Variants in OPCML observed in about 807,000 individuals in gnomAD.
OPCML encodes opioid binding protein/cell adhesion molecule like.
A neutral mutation model predicts 37.8 loss-of-function variants in OPCML; 13 were observed. The observed-to-expected ratio is 0.34, with a 90% CI of 0.22 to 0.55. The LOEUF (loss-of-function observed/expected upper bound fraction) is 0.55, where lower values mean the gene tolerates loss of function less well. Ranked by LOEUF, OPCML falls within the 20% of genes least tolerant of loss-of-function variation. The probability of loss-of-function intolerance (pLI) is 0.91; values close to 1 mark genes in which losing one functional copy is unlikely to be tolerated. For missense variants in OPCML, 341 were observed against 435.6 expected (o/e 0.78, Z 1.93); for synonymous variants, 176 against 168.8 (o/e 1.04, Z -0.33).
chr11:132,715,442 A>G (rs1047554218), intron 2 of OPCML, among the ~76,000 whole-genome samples: 4 of 152,184 alleles, frequency 2.6e-5, no homozygotes, highest in Admixed American at 6.5e-5. Context: ...CAACTCGGTG[A>G]CCTTGAACAA....
intron 2 of OPCML, among the ~76,000 whole-genome samples, chr11:132,785,196 AAAACAAT>A (rs750670480): frequency 1.3e-4 from 20 of 152,214 alleles, no homozygotes; most frequent in Non-Finnish European, 2.5e-4. Flanking sequence ...GGTGAGCATC[AAAACAAT>A]AAACTCACTA....
chr11:132,700,510 A>T (rs1211859363), intron 2 of OPCML, among the ~76,000 whole-genome samples: 1 of 152,100 alleles, frequency 6.6e-6, no homozygotes, highest in Admixed American at 6.6e-5. Flanking sequence ...TCAGATTTTT[A>T]AAAAATATCC....
chr11:133,042,772 G>C (rs1369235811), intron 1 of OPCML, among the ~76,000 whole-genome samples: 1 of 152,220 alleles, frequency 6.6e-6, no homozygotes, highest in East Asian at 1.9e-4. Flanking sequence ...GTTAACACTG[G>C]AACCCTCAGC....
At chr11:132,932,218 C>T (rs891187207) in intron 2 of OPCML, among the ~76,000 whole-genome samples, 5 of 152,054 alleles carry the variant, frequency 3.3e-5, no homozygotes, top group Non-Finnish European at 7.4e-5. Context: ...GAAATAAGTT[C>T]TGGAGAGGGA....
chr11:133,474,062 C>G (rs1947179198), intron 1 of OPCML, among the ~76,000 whole-genome samples: 1 of 152,162 alleles, frequency 6.6e-6, no homozygotes, highest in Non-Finnish European at 1.5e-5. Flanking sequence ...ACCCCATCAT[C>G]TTTTTACATT....
intron 2 of OPCML, among the ~76,000 whole-genome samples, chr11:132,796,077 A>T (rs1938289606): frequency 6.6e-6 from 1 of 152,198 alleles, no homozygotes; most frequent in Non-Finnish European, 1.5e-5. Context: ...TTATCTAGAG[A>T]TGACTTAAGG....
At chr11:132,794,004 C>T (rs1191208088) in intron 2 of OPCML, among the ~76,000 whole-genome samples, 2 of 152,232 alleles carry the variant, frequency 1.3e-5, no homozygotes, top group Non-Finnish European at 2.9e-5. Context: ...TGCTCAGGCA[C>T]CAGTTTCCAC....
At chr11:132,889,457 T>A (rs1045313238) in intron 2 of OPCML, among the ~76,000 whole-genome samples, 1 of 152,210 alleles carries the variant, frequency 6.6e-6, no homozygotes, top group African/African-American at 2.4e-5. Context: ...CACATAGTCA[T>A]GTTGTAGCTG....
At chr11:133,426,830 G>A (rs1565627992) in intron 1 of OPCML, among the ~76,000 whole-genome samples, 1 of 152,100 alleles carries the variant, frequency 6.6e-6, no homozygotes, top group Non-Finnish European at 1.5e-5. Context: ...ATAACAGAAA[G>A]CAAGGTTAGA....
At chr11:132,551,489 A>T (rs1406181520) in intron 3 of OPCML, among the ~76,000 whole-genome samples, 1 of 152,150 alleles carries the variant, frequency 6.6e-6, no homozygotes, top group Non-Finnish European at 1.5e-5. Flanking sequence ...TAGCCACAAG[A>T]TTAGAAATTA....
chr11:132,665,638 TA>T, intron 2 of OPCML, among the ~76,000 whole-genome samples: 1 of 152,126 alleles, frequency 6.6e-6, no homozygotes, highest in East Asian at 1.9e-4. Context: ...AACACAATTA[TA>T]AAAAGTAAGG....
intron 1 of OPCML, among the ~76,000 whole-genome samples, chr11:133,096,413 T>C (rs1282655221): frequency 6.6e-6 from 1 of 151,882 alleles, no homozygotes; most frequent in Non-Finnish European, 1.5e-5. Flanking sequence ...AATGAGATTA[T>C]GTAAAATGCT....
At chr11:132,679,650 T>C (rs1164052609) in intron 2 of OPCML, among the ~76,000 whole-genome samples, 1 of 152,210 alleles carries the variant, frequency 6.6e-6, no homozygotes, top group Non-Finnish European at 1.5e-5. Context: ...TGGAGGATGA[T>C]GGAATTGTTC....
chr11:132,841,692 C>G (rs1026382186), intron 2 of OPCML, among the ~76,000 whole-genome samples: 2 of 151,754 alleles, frequency 1.3e-5, no homozygotes, highest in Non-Finnish European at 2.9e-5. Flanking sequence ...GAAACCCCAT[C>G]TCTCCTAAAA....
intron 1 of OPCML, among the ~76,000 whole-genome samples, chr11:133,520,508 G>T (rs1249418001): frequency 6.6e-6 from 1 of 152,124 alleles, no homozygotes; most frequent in Non-Finnish European, 1.5e-5. Context: ...TGATGTTGTA[G>T]TTTCCCCTTG....
intron 2 of OPCML, among the ~76,000 whole-genome samples, chr11:132,924,685 A>T (rs1017701395): frequency 1.3e-5 from 2 of 152,152 alleles, no homozygotes; most frequent in African/African-American, 4.8e-5. Context: ...TTCTCTTTGC[A>T]TTTGACATTC....
intron 1 of OPCML, among the ~76,000 whole-genome samples, chr11:133,293,016 A>G (rs1942522529): frequency 6.6e-6 from 1 of 152,206 alleles, no homozygotes; most frequent in Admixed American, 6.5e-5. Context: ...CTCCCATGGC[A>G]AGGTGCTCCA....
At chr11:132,735,497 T>A (rs1945223475) in intron 2 of OPCML, among the ~76,000 whole-genome samples, 1 of 152,134 alleles carries the variant, frequency 6.6e-6, no homozygotes, top group African/African-American at 2.4e-5. Flanking sequence ...GTTGTTGTTT[T>A]TTTTCTTGAG....
intron 1 of OPCML, among the ~76,000 whole-genome samples, chr11:133,048,528 T>G (rs1948065745): frequency 6.6e-6 from 1 of 152,204 alleles, no homozygotes. Context: ...CTGTTCTCAG[T>G]GTATTGCAGG....
Sources: allele counts gnomAD v4.1 joint callset (sites outside exome capture counted in the v4.1 genomes callset), GRCh38; gene constraint gnomAD v4.1.1; transcripts MANE v1.5; gene names NCBI Gene and HGNC (gene_info 2026-07-23, HGNC 2026-07-21).